ASTN1: variants seen among roughly 807,000 people sequenced by gnomAD.
The protein encoded by ASTN1 is astrotactin 1.
In ASTN1, 41 loss-of-function variants were observed where a neutral mutation model predicts 140.7. The ratio of observed to expected loss-of-function variants is 0.29; its 90% CI spans 0.23 to 0.38. The LOEUF (loss-of-function observed/expected upper bound fraction) is 0.38, where lower values mean the gene tolerates loss of function less well. Among genes scored for constraint, ASTN1 ranks in the 10% least tolerant of loss-of-function variants. The pLI is 1.00. For synonymous variants in ASTN1, 640 were observed against 652.2 expected, an observed-to-expected ratio of 0.98 and a Z score of 0.29; for missense variants, 1,479 against 1,678.8, an observed-to-expected ratio of 0.88 and a Z score of 2.08.
intron 1 of ASTN1, among the ~76,000 whole-genome samples, chr1:177,145,188 C>T (rs1432181194): frequency 6.6e-6 from 1 of 152,186 alleles, no homozygotes; most frequent in African/African-American, 2.4e-5. Context: ...GTAAAAACAT[C>T]TTGGATTTAG....
At chr1:176,986,590 C>T (rs1472035193) in intron 8 of ASTN1, among the ~76,000 whole-genome samples, 1 of 152,090 alleles carries the variant, frequency 6.6e-6, no homozygotes, top group African/African-American at 2.4e-5. Flanking sequence ...CAAGACATAG[C>T]AGTTCCTTTT....
At chr1:177,010,614 C>A (rs1273088542) in intron 8 of ASTN1, among the ~76,000 whole-genome samples, 1 of 152,220 alleles carries the variant, frequency 6.6e-6, no homozygotes, top group Non-Finnish European at 1.5e-5. Context: ...GACCCTGTCA[C>A]CTGGCTGAGC....
At chr1:176,940,219 C>T (rs1403637721) in intron 14 of ASTN1, among the ~76,000 whole-genome samples, 1 of 152,172 alleles carries the variant, frequency 6.6e-6, no homozygotes, top group Non-Finnish European at 1.5e-5. Flanking sequence ...TCACAATCCG[C>T]AGCAACCAGC....
Position 176,862,091 on chromosome 1 carries a change from G to C in ASTN1, c.*2193C>G. ...GCAGCAAAGAGATGCTCTGGGCCCT[G>C]TCTGATTGGCCTGTCACATCTTCTC... On this transcript the variant is annotated 3_prime_UTR_variant, in exon 23 of 23. Coordinates refer to ENST00000361833, the MANE Select transcript of ASTN1 (RefSeq NM_004319.3). 4 of 985,440 alleles carry C rather than the reference G, an allele frequency of 4.1e-6. No individual in the cohort carries two copies. The highest frequency in any genetic ancestry group is 4.8e-6 in the Non-Finnish European group (4 of 829,942). 61.0% of individuals were successfully genotyped at this position (985,440 alleles called of 1,614,324 possible).
At chr1:177,085,639 C>T (rs968353702) in intron 1 of ASTN1, among the ~76,000 whole-genome samples, 2 of 152,126 alleles carry the variant, frequency 1.3e-5, no homozygotes, top group Non-Finnish European at 2.9e-5. Context: ...AAATGCAGCC[C>T]AGGTGGTAAC....
At chr1:176,885,564 A>G (rs1214334655) in intron 18 of ASTN1, among the ~76,000 whole-genome samples, 1 of 152,082 alleles carries the variant, frequency 6.6e-6, no homozygotes, top group Non-Finnish European at 1.5e-5. Flanking sequence ...CTTGGTTCCC[A>G]GATATCATGA....
chr1:177,000,645 G>A (rs920473009), intron 8 of ASTN1, among the ~76,000 whole-genome samples: 3 of 152,202 alleles, frequency 2.0e-5, no homozygotes, highest in Non-Finnish European at 4.4e-5. Context: ...CAGCAGTCCT[G>A]AGCGTAGAAG....
At chr1:176,968,491 C>T (rs1413084339) in intron 8 of ASTN1, among the ~76,000 whole-genome samples, 2 of 152,192 alleles carry the variant, frequency 1.3e-5, no homozygotes, top group Non-Finnish European at 2.9e-5. Flanking sequence ...TCCCACTTCC[C>T]ACCCAGTGGT....
In ASTN1 at chr1:177,023,388, C is replaced by A; in HGVS notation, c.1438+16G>T. On this transcript the variant is annotated intron_variant, in intron 7 of 22. Coordinates refer to ENST00000361833, the MANE Select transcript of ASTN1 (RefSeq NM_004319.3). ...ATCTCTCTGACAGTTACCCGCTGCC[C>A]GGTGCTCCCGCCTACCAGTTTCGGG... The A allele has an allele frequency of 6.4e-7, 1 of 1,569,970 alleles. No individual in the cohort carries two copies. The highest frequency in any genetic ancestry group is 1.2e-5 in the South Asian group (1 of 85,600).
chr1:177,088,744 C>T (rs1679595393), intron 1 of ASTN1, among the ~76,000 whole-genome samples: 1 of 152,132 alleles, frequency 6.6e-6, no homozygotes, highest in African/African-American at 2.4e-5. Flanking sequence ...GTCGTACTCC[C>T]AGAATAAACT....
At position 176,861,686 on chromosome 1, in the gene ASTN1, G is replaced by A. The variant is rs541652831; in HGVS notation, c.*2598C>T. The stretch of plus-strand genomic sequence containing the variant: ...AGTTGTGTGCATTGTGTGTGCACAC[G>A]TGTGTGTGTGTGTACATACATACAC... On this transcript the variant is annotated 3_prime_UTR_variant, in exon 23 of 23. Transcript: ENST00000361833. The A allele has an allele frequency of 8.8e-5, 82 of 934,210 alleles. No individual in the cohort carries two copies. The highest frequency in any genetic ancestry group is 3.5e-4 in the East Asian group (3 of 8,554). 57.9% of individuals were successfully genotyped at this position (934,210 alleles called of 1,614,324 possible).
intron 1 of ASTN1, among the ~76,000 whole-genome samples, chr1:177,093,214 T>C (rs902453893): frequency 2.0e-5 from 3 of 152,214 alleles, no homozygotes; most frequent in Admixed American, 6.5e-5. Context: ...AACCACATAA[T>C]CTACTTAGTT....
chr1:176,880,711 G>A lies in ASTN1; in HGVS notation c.3362+2148C>T, dbSNP rs143949029. On this transcript the variant is annotated intron_variant, in intron 20 of 22. Transcript: ENST00000361833. ...TGTGGATCCCAGGTGCAGAGCCAGC[G>A]CTCTGCTTTAATATGAGGTAATGAG... Among the ~76,000 whole-genome samples, 514 of 152,270 alleles carry A rather than the reference G, an allele frequency of 3.4e-3. 1 individual carries two copies. Among genetic ancestry groups the A allele is most frequent in the African/African-American group, 0.012 (489 of 41,554 alleles).
chr1:176,950,681 T>C (rs1672156264), intron 11 of ASTN1, among the ~76,000 whole-genome samples: 1 of 152,072 alleles, frequency 6.6e-6, no homozygotes, highest in South Asian at 2.1e-4. Flanking sequence ...TCTAATAGGC[T>C]GGAAGCAGGT....
At chr1:176,898,153 C>T (rs528222543) in intron 16 of ASTN1, among the ~76,000 whole-genome samples, 2 of 152,298 alleles carry the variant, frequency 1.3e-5, no homozygotes, top group South Asian at 4.1e-4. Flanking sequence ...CCCTTCAGTT[C>T]TAGATACCTA....
chr1:176,911,708 T>A (rs537217044), intron 16 of ASTN1, among the ~76,000 whole-genome samples: 1 of 152,262 alleles, frequency 6.6e-6, no homozygotes, highest in African/African-American at 2.4e-5. Flanking sequence ...CTGAACTACC[T>A]CCTGGAAGAC....
chr1:176,903,764 C>A (rs1486069228), intron 16 of ASTN1, among the ~76,000 whole-genome samples: 1 of 152,162 alleles, frequency 6.6e-6, no homozygotes, highest in South Asian at 2.1e-4. Flanking sequence ...GCAATTGAGG[C>A]ACTTAAAACA....
In ASTN1 at chr1:176,861,897, G is replaced by T. The variant is rs1391507756; in HGVS notation, c.*2387C>A. On this transcript the variant is annotated 3_prime_UTR_variant, in exon 23 of 23. Coordinates refer to ENST00000361833, the MANE Select transcript of ASTN1 (RefSeq NM_004319.3). Reference sequence around the variant, plus strand: ...TGTGCCTAAAATAAAAACAGAAGGAGAGGGTACAGAGGAGTGACTCTGATA... The same window carrying T: ...TGTGCCTAAAATAAAAACAGAAGGATAGGGTACAGAGGAGTGACTCTGATA... 1 of 985,270 alleles carries T rather than the reference G, an allele frequency of 1.0e-6. No individual in the cohort carries two copies. Among genetic ancestry groups the T allele is most frequent in the African/African-American group, 1.7e-5 (1 of 57,218 alleles). The allele number at this position is 985,270 out of a possible 1,614,324, so 61.0% of individuals were successfully genotyped here.
chr1:177,054,820 T>C (rs796913679), intron 2 of ASTN1, among the ~76,000 whole-genome samples: 2 of 151,438 alleles, frequency 1.3e-5, no homozygotes, highest in South Asian at 4.1e-4. Flanking sequence ...ATTTATAGAA[T>C]AGACTAGACA....
Sources: allele counts gnomAD v4.1 joint callset (sites outside exome capture counted in the v4.1 genomes callset), GRCh38; gene constraint gnomAD v4.1.1; transcripts MANE v1.5; gene names NCBI Gene and HGNC (gene_info 2026-07-23, HGNC 2026-07-21).